The following SLC12A9 variants were observed in gnomAD, a reference collection of about 807,000 sequenced individuals.
SLC12A9 encodes the protein CCC-interacting protein 1.
A neutral mutation model predicts 66.0 loss-of-function variants in SLC12A9; 55 were observed. The ratio of observed to expected loss-of-function variants is 0.83; its 90% CI spans 0.67 to 1.04. The LOEUF (loss-of-function observed/expected upper bound fraction) is 1.04. Ranked by LOEUF, SLC12A9 falls within the 50% of genes least tolerant of loss-of-function variation. The probability of loss-of-function intolerance (pLI) is 0.00; values close to 1 mark genes in which losing one functional copy is unlikely to be tolerated. For missense variants in SLC12A9, 1,061 were observed against 1,241.9 expected (o/e 0.85, Z 2.19); for synonymous variants, 577 against 569.0 (o/e 1.01, Z -0.20).
chr7:100,841,500 CTAAAGT>C (rs1248882850), intron 1 of SLC12A9, among the ~76,000 whole-genome samples: 14 of 152,128 alleles, frequency 9.2e-5, no homozygotes, highest in Admixed American at 8.5e-4. Flanking sequence ...AACATATTAG[CTAAAGT>C]TAAAGAAGTA....
upstream of SLC12A9, among the ~76,000 whole-genome samples, chr7:100,851,383 G>C (rs997104776): frequency 1.3e-5 from 2 of 151,902 alleles, no homozygotes; most frequent in Non-Finnish European, 2.9e-5. Context: ...GACAGGCCAG[G>C]GTATGCCAAG....
chr7:100,828,371 T>C (rs1813470860), intron 1 of SLC12A9, among the ~76,000 whole-genome samples: 1 of 151,580 alleles, frequency 6.6e-6, no homozygotes, highest in Non-Finnish European at 1.5e-5. Flanking sequence ...AAACCCCGTC[T>C]CTACTAAAAA....
At chr7:100,839,046 G>A (rs970596723) in intron 1 of SLC12A9, among the ~76,000 whole-genome samples, 7 of 152,026 alleles carry the variant, frequency 4.6e-5, no homozygotes, top group South Asian at 2.1e-4. Flanking sequence ...AGGAATTGCC[G>A]GGCGCGGTGG....
At chr7:100,828,405 GGC>G (rs1813471622) in intron 1 of SLC12A9, among the ~76,000 whole-genome samples, 1 of 151,890 alleles carries the variant, frequency 6.6e-6, no homozygotes, top group Non-Finnish European at 1.5e-5. Context: ...TGGGCATGGT[GGC>G]GCGCGCCTGT....
chr7:100,864,370 A>G (rs1336448199), intron 13 of SLC12A9, among the ~76,000 whole-genome samples: 2 of 151,904 alleles, frequency 1.3e-5, no homozygotes, highest in East Asian at 3.9e-4. Context: ...TTAATGGGGG[A>G]AAAAAAGAAC....
intron 1 of SLC12A9, among the ~76,000 whole-genome samples, chr7:100,841,624 AT>A (rs1390925975): frequency 3.3e-5 from 5 of 152,162 alleles, no homozygotes; most frequent in Non-Finnish European, 5.9e-5. Context: ...AAAAGAGTCT[AT>A]AAAATCTTAC....
Position 100,854,708 on chromosome 7 carries a change from C to G in SLC12A9, c.270C>G (p.Val90=), listed in dbSNP as rs1814277954. The change falls in exon 3 of 14, where the codon GTC becomes GTG. Residue 90 remains valine, a synonymous_variant. Coordinates refer to ENST00000354161, the MANE Select transcript of SLC12A9 (RefSeq NM_020246.4). ...TCCTGGCACTCACCGTCCTCTCTGT[C>G]TGTGCCATCGCCACCAATGGAGCCG... ...YFILALTVLS[V]CAIATNGAVQ... is the part of the protein sequence containing the mutation. The G allele has an allele frequency of 6.2e-7, 1 of 1,614,100 alleles. No homozygotes were observed. Among genetic ancestry groups the G allele is most frequent in the African/African-American group, 1.3e-5 (1 of 75,022 alleles).
chr7:100,834,873 T>C (rs1813617476), intron 1 of SLC12A9, among the ~76,000 whole-genome samples: 1 of 151,280 alleles, frequency 6.6e-6, no homozygotes, highest in South Asian at 2.1e-4. Context: ...GTCTCAAAAA[T>C]AAAAATAATG....
chr7:100,827,159 GC>G, intron 1 of SLC12A9: 1 of 946,264 alleles, frequency 1.1e-6, no homozygotes, highest in Non-Finnish European at 1.5e-6. Flanking sequence ...CTCAGCGCGG[GC>G]CCATGCGAGC....
In SLC12A9 at chr7:100,866,375, G is replaced by A. The variant is rs112307620; in HGVS notation, c.2515G>A (p.Ala839Thr). Residue 839 changes from alanine (A) to threonine (T), a missense_variant, in exon 14 of 14, where the codon GCC becomes ACC. Physicochemically the swap from Ala to Thr is moderately conservative, Grantham distance 58. Coordinates refer to ENST00000354161, the MANE Select transcript of SLC12A9 (RefSeq NM_020246.4). This position sits in a 1 kb window ranked among gnomAD's most constrained non-coding sequence, Gnocchi z 7.3. Reference protein sequence around the residue: ...EAEALARSANALVRAQQGRGT... With the variant: ...EAEALARSANTLVRAQQGRGT... The stretch of plus-strand genomic sequence containing the variant: ...AGAGGCCCTGGCACGCAGCGCCAAC[G>A]CCCTGGTTCGGGCCCAGCAGGGGCG... The A allele has an allele frequency of 1.7e-3, 2,586 of 1,521,000 alleles. 8 individuals are homozygous for A. Among genetic ancestry groups the A allele is most frequent in the Admixed American group, 2.1e-3 (102 of 48,362 alleles). 94.2% of individuals were successfully genotyped at this position (1,521,000 alleles called of 1,614,324 possible).
intron 7 of SLC12A9, 150 bp downstream of exon 7, chr7:100,859,311 G>A: frequency 1.4e-6 from 1 of 710,820 alleles, no homozygotes; most frequent in South Asian, 1.7e-5. Context: ...ATAGCCAGCA[G>A]CTGCCATGGA....
intron 1 of SLC12A9, among the ~76,000 whole-genome samples, chr7:100,833,579 G>A (rs1813585691): frequency 6.6e-6 from 1 of 152,108 alleles, no homozygotes; most frequent in Non-Finnish European, 1.5e-5. Context: ...GGCCGAGGTG[G>A]GAGGATCACT....
intron 1 of SLC12A9, among the ~76,000 whole-genome samples, chr7:100,844,500 T>C (rs1343516153): frequency 6.6e-6 from 1 of 152,014 alleles, no homozygotes; most frequent in African/African-American, 2.4e-5. Context: ...TAAGGTGTAG[T>C]TCTCTTAATT....
chr7:100,827,057 G>C (rs374017664), intron 1 of SLC12A9: 4 of 1,566,872 alleles, frequency 2.6e-6, no homozygotes, highest in Non-Finnish European at 3.5e-6. Context: ...GGTAGGATCC[G>C]AACTGAGTTT....
upstream of SLC12A9, among the ~76,000 whole-genome samples, chr7:100,850,544 T>A (rs1232401526): frequency 6.6e-6 from 1 of 151,128 alleles, no homozygotes; most frequent in Non-Finnish European, 1.5e-5. Context: ...CTTGCCACAG[T>A]CTTTTTTGTT....
chr7:100,866,390 C>G lies in SLC12A9; in HGVS notation c.2530C>G (p.Gln844Glu). The G allele has an allele frequency of 6.5e-7, 1 of 1,532,786 alleles. No homozygotes were observed. Among genetic ancestry groups the G allele is most frequent in the Non-Finnish European group, 8.8e-7 (1 of 1,137,596 alleles). The allele number at this position is 1,532,786 out of a possible 1,614,324, so 94.9% of individuals were successfully genotyped here. The change falls in exon 14 of 14, where the codon CAG becomes GAG. Residue 844 changes from glutamine (Q) to glutamate (E), a missense_variant. Physicochemically the swap from Gln to Glu is conservative, Grantham distance 29. Transcript: ENST00000354161. This position sits in a 1 kb window ranked among gnomAD's most constrained non-coding sequence, Gnocchi z 7.3. ...ARSANALVRAQQGRGTGGGPG... is the reference protein window; with the variant it reads ...ARSANALVRAEQGRGTGGGPG... ...CAGCGCCAACGCCCTGGTTCGGGCC[C>G]AGCAGGGGCGCGGCACAGGAGGAGG...
chr7:100,846,813 T>C (rs960796489), intron 1 of SLC12A9, among the ~76,000 whole-genome samples: 2 of 152,078 alleles, frequency 1.3e-5, no homozygotes, highest in Admixed American at 6.6e-5. Context: ...AGAAATAAAA[T>C]CCACAAGCAG....
rs550739328 is a variant in SLC12A9, at chr7:100,843,350, A to G, written n.228+16303A>G. 8.8e-4 allele frequency among the ~76,000 whole-genome samples: 134 copies of G among 152,342 alleles called. No individual in the cohort carries two copies. The Middle Eastern group carries it at 0.01, about 12-fold the overall frequency. Reference sequence around the variant, plus strand: ...TCAAATAGCTGCAGGATTTGAGTCAATATTTTGGTGAGTGACAGTTAATAA... The same window carrying G: ...TCAAATAGCTGCAGGATTTGAGTCAGTATTTTGGTGAGTGACAGTTAATAA... On this transcript the variant is annotated intron_variant and non_coding_transcript_variant, in intron 1 of 1. Coordinates refer to the SLC12A9 transcript ENST00000461016.
intron 1 of SLC12A9, among the ~76,000 whole-genome samples, chr7:100,840,526 G>C (rs1813763555): frequency 6.6e-6 from 1 of 151,968 alleles, no homozygotes; most frequent in African/African-American, 2.4e-5. Context: ...CACAGCGGTT[G>C]AGAACAGCAG....
Sources: gnomAD v4.1 joint callset for allele counts (sites outside exome capture counted in the v4.1 genomes callset) on GRCh38, gnomAD v4.1.1 for gene constraint, Gnocchi (gnomAD v3.1) non-coding constraint, MANE v1.5 for transcripts, NCBI Gene and HGNC (gene_info 2026-07-23, HGNC 2026-07-21) for gene names.